Variants in EPS15 observed in about 807,000 individuals in gnomAD.
The protein encoded by EPS15 is epidermal growth factor receptor substrate 15.
In EPS15, 72 loss-of-function variants were observed where a neutral mutation model predicts 113.8. The observed-to-expected ratio is 0.63, with a 90% confidence interval of 0.52 to 0.77. The LOEUF (loss-of-function observed/expected upper bound fraction) is 0.77. Among genes scored for constraint, EPS15 ranks in the 30% least tolerant of loss-of-function variants. The probability of loss-of-function intolerance (pLI) is 0.00; values close to 1 mark genes in which losing one functional copy is unlikely to be tolerated. For synonymous variants in EPS15, 344 were observed against 363.4 expected (o/e 0.95, Z 0.61); for missense variants, 1,048 against 1,045.8 (o/e 1.00, Z -0.03).
chr1:51,428,377 C>T (rs1261826578), intron 12 of EPS15, among the ~76,000 whole-genome samples: 3 of 152,160 alleles, frequency 2.0e-5, no homozygotes, highest in African/African-American at 7.2e-5. Flanking sequence ...TTGTTTACAA[C>T]TCCACTTTAT....
chr1:51,453,523 C>A (rs1361578900), intron 8 of EPS15, among the ~76,000 whole-genome samples: 1 of 151,990 alleles, frequency 6.6e-6, no homozygotes, highest in South Asian at 2.1e-4. Flanking sequence ...TGCATTCACA[C>A]ACACACCAAA....
intron 21 of EPS15, among the ~76,000 whole-genome samples, chr1:51,377,445 C>G (rs1294865883): frequency 1.3e-5 from 2 of 152,074 alleles, no homozygotes; most frequent in African/African-American, 4.8e-5. Context: ...AGAAGTAGAG[C>G]CTGATGATGT....
chr1:51,377,352 C>T (rs1428819332), intron 21 of EPS15, among the ~76,000 whole-genome samples: 2 of 152,088 alleles, frequency 1.3e-5, no homozygotes, highest in African/African-American at 2.4e-5. Context: ...TACATCCAAC[C>T]GTCATGTATT....
intron 8 of EPS15, among the ~76,000 whole-genome samples, chr1:51,455,877 G>A (rs945189610): frequency 4.6e-5 from 7 of 151,684 alleles, no homozygotes; most frequent in African/African-American, 1.2e-4. Context: ...AAAACTCTCT[G>A]AAGTCATTTT....
At chr1:51,493,804 G>A (rs111280073) in intron 1 of EPS15, among the ~76,000 whole-genome samples, 4,680 of 151,804 alleles carry the variant, frequency 0.031, 80 homozygotes, top group African/African-American at 0.053. Context: ...TAGTAGAGAC[G>A]GGGTTTTACT....
intron 1 of EPS15, among the ~76,000 whole-genome samples, chr1:51,489,243 C>A (rs1644184730): frequency 6.8e-6 from 1 of 146,618 alleles, no homozygotes; most frequent in Non-Finnish European, 1.5e-5. Flanking sequence ...ATATAATAAA[C>A]TTTACTAAGA....
chr1:51,420,300 A>C (rs1300697456), intron 13 of EPS15, among the ~76,000 whole-genome samples: 1 of 152,240 alleles, frequency 6.6e-6, no homozygotes, highest in East Asian at 1.9e-4. Flanking sequence ...AAACAATGTA[A>C]ATTTCAGCAC....
intron 1 of EPS15, chr1:51,490,203 A>G (rs1644205982): frequency 2.5e-6 from 1 of 395,818 alleles, no homozygotes; most frequent in African/African-American, 2.1e-5. Flanking sequence ...CTTTGAGAGT[A>G]CAAGATTCTC....
At chr1:51,465,566 C>T (rs1654786150) in intron 5 of EPS15, among the ~76,000 whole-genome samples, 1 of 152,042 alleles carries the variant, frequency 6.6e-6, no homozygotes, top group Non-Finnish European at 1.5e-5. Flanking sequence ...TGGAGTCTTG[C>T]TCTGTCGCCC....
intron 20 of EPS15, 23 bp from the exon 21 acceptor site, chr1:51,394,470 T>C (rs778422324): frequency 1.3e-6 from 2 of 1,537,768 alleles, no homozygotes; most frequent in South Asian, 1.2e-5. Flanking sequence ...TACAAAACCA[T>C]GAATGAGAGA....
At chr1:51,359,443 TAAA>T (rs148380501) in intron 24 of EPS15, among the ~76,000 whole-genome samples, 4 of 104,038 alleles carry the variant, frequency 3.8e-5, no homozygotes, top group Admixed American at 1.1e-4. Flanking sequence ...ACTCTGTCTT[TAAA>T]AAAAAAAAAA....
rs529802950 is a variant in EPS15 at position 51,466,359 on chromosome 1, C to T, written c.310-1033G>A. ...AATCTAGGCTAGGTGTGGTGGCTCA[C>T]GTCTGTAATCCCAGAACTTTGGGAG... On this transcript the variant is annotated intron_variant, in intron 5 of 24. Coordinates refer to ENST00000371733, the MANE Select transcript of EPS15 (RefSeq NM_001981.3). Among the ~76,000 whole-genome samples, 12 of 151,776 alleles carry T rather than the reference C, an allele frequency of 7.9e-5. No homozygotes were observed. The South Asian group carries it at 1.3e-3, about 16-fold the overall frequency.
chr1:51,374,387 C>T (rs1455040525), intron 21 of EPS15, among the ~76,000 whole-genome samples: 2 of 152,110 alleles, frequency 1.3e-5, no homozygotes, highest in East Asian at 1.9e-4. Flanking sequence ...GAGGCTAAGG[C>T]GGGTGGATCA....
chr1:51,464,517 G>A (rs1414474647), intron 6 of EPS15, among the ~76,000 whole-genome samples: 1 of 151,958 alleles, frequency 6.6e-6, no homozygotes, highest in Non-Finnish European at 1.5e-5. Flanking sequence ...TGGGATTACA[G>A]GCATGAGCCA....
At chr1:51,362,800 T>C (rs1336560159) in intron 23 of EPS15, among the ~76,000 whole-genome samples, 1 of 152,046 alleles carries the variant, frequency 6.6e-6, no homozygotes, top group Non-Finnish European at 1.5e-5. Context: ...GAATGAGGTA[T>C]GATTTAAAAA....
intron 2 of EPS15, among the ~76,000 whole-genome samples, chr1:51,479,423 T>C (rs1233893997): frequency 6.6e-6 from 1 of 152,240 alleles, no homozygotes; most frequent in Non-Finnish European, 1.5e-5. Flanking sequence ...TCAGAGAAGT[T>C]TGTTATTACT....
intron 1 of EPS15, 152 bp from the exon 2 acceptor site, chr1:51,481,466 G>A (rs143725559): frequency 3.3e-5 from 19 of 583,690 alleles, no homozygotes; most frequent in Non-Finnish European, 4.9e-5. Flanking sequence ...CTTGGGGAGC[G>A]TGAGACAGAG....
chr1:51,357,634 A>G (rs1392934814), intron 24 of EPS15, among the ~76,000 whole-genome samples: 1 of 149,202 alleles, frequency 6.7e-6, no homozygotes, highest in African/African-American at 2.5e-5. Context: ...CCTAACCCTT[A>G]ATGTGTAAAA....
At chr1:51,359,076 C>T (rs911278978) in intron 24 of EPS15, among the ~76,000 whole-genome samples, 2 of 152,060 alleles carry the variant, frequency 1.3e-5, no homozygotes, top group African/African-American at 4.8e-5. Context: ...GGTTATTTTA[C>T]ACTAAGAGAA....
Sources: allele counts gnomAD v4.1 joint callset (sites outside exome capture counted in the v4.1 genomes callset), GRCh38; gene constraint gnomAD v4.1.1; transcripts MANE v1.5; gene names NCBI Gene and HGNC (gene_info 2026-07-23, HGNC 2026-07-21).